FEZ2: variants seen among roughly 807,000 people sequenced by gnomAD.
The protein encoded by FEZ2 is fasciculation and elongation protein zeta-2.
FEZ2 carries 51 observed loss-of-function variants against 40.4 expected under a neutral mutation model. That is an observed-to-expected ratio of 1.26 (90% CI 1.01 to 1.59). FEZ2 has a LOEUF of 1.59. FEZ2 is among the 40% of genes most tolerant of loss of function. FEZ2 has a pLI of 0.00. For missense variants in FEZ2, 640 were observed against 438.3 expected (o/e 1.46, Z -4.11); for synonymous variants, 242 against 172.0 (o/e 1.41, Z -3.18).
chr2:36,587,186 C>T (rs1212696727), intron 2 of FEZ2, among the ~76,000 whole-genome samples: 2 of 152,174 alleles, frequency 1.3e-5, no homozygotes, highest in East Asian at 1.9e-4. Flanking sequence ...TGAGTAATAA[C>T]AGTAAACTAT....
chr2:36,583,070 A>C (rs866697745), intron 3 of FEZ2, among the ~76,000 whole-genome samples: 12 of 152,192 alleles, frequency 7.9e-5, no homozygotes, highest in Admixed American at 2.0e-4. Flanking sequence ...GGAAATTCAC[A>C]ATATTTTTCT....
At chr2:36,555,790 T>C in intron 6 of FEZ2, 42 bp from the exon 7 acceptor site, 2 of 1,150,794 alleles carry the variant, frequency 1.7e-6, no homozygotes, top group Non-Finnish European at 2.5e-6. Flanking sequence ...AATTAAAAAT[T>C]TAGATCAAAA....
In FEZ2 at chr2:36,552,482, GAC is replaced by G; in HGVS notation, c.*679_*680del. On this transcript the variant is annotated 3_prime_UTR_variant, in exon 8 of 8. Coordinates refer to ENST00000405912, the MANE Select transcript of FEZ2 (RefSeq NM_005102.3). Reference sequence around the variant, plus strand: ...CACACTTAAAGTACAATTCTTCACAGACACATGAAGCAGAACATTTGAAAATC... The same window carrying G: ...CACACTTAAAGTACAATTCTTCACAGACATGAAGCAGAACATTTGAAAATC... 3.8e-6 allele frequency: 1 copy of G among 262,134 alleles called. No individual in the cohort carries two copies. Among genetic ancestry groups the G allele is most frequent in the Admixed American group, 5.0e-5 (1 of 20,154 alleles). 16.2% of individuals were successfully genotyped at this position (262,134 alleles called of 1,614,324 possible).
chr2:36,590,403 T>A (rs1271388718), intron 2 of FEZ2: 1 of 152,886 alleles, frequency 6.5e-6, no homozygotes, highest in Admixed American at 6.5e-5. Flanking sequence ...CACTGCCAGG[T>A]GCAGTGGCTC....
rs748827473 is a variant in FEZ2, at chr2:36,598,055, G to A, written c.88C>T (p.Pro30Ser). The A allele has an allele frequency of 4.0e-5, 60 of 1,500,606 alleles. No homozygotes were observed. In the South Asian group the frequency reaches 7.2e-4, roughly 18 times the overall value. The allele number at this position is 1,500,606 out of a possible 1,614,324, so 93.0% of individuals were successfully genotyped here. A position where few individuals can be genotyped will look rare whatever the true frequency, so the allele number is the denominator to read the frequency against. The change falls in exon 1 of 8, where the codon CCC (proline) becomes TCC (serine). Residue 30 changes from proline (P) to serine (S), a missense_variant. Coordinates refer to ENST00000405912, the MANE Select transcript of FEZ2 (RefSeq NM_005102.3). ...GCCCCCGCCTCCGCCCCAGGCTCGG[G>A]GCTCGCGTTACAGTTCTCCTGGTCC... ...LLDQENCNAS[P>S]EPGAEAGAEA...
chr2:36,558,653 G>T, intron 5 of FEZ2, 140 bp from the exon 6 acceptor site: 1 of 454,250 alleles, frequency 2.2e-6, no homozygotes. Flanking sequence ...TATTGTATGG[G>T]AATAAAGTTA....
At chr2:36,564,560 A>G (rs1003891249) in intron 5 of FEZ2, among the ~76,000 whole-genome samples, 7 of 152,168 alleles carry the variant, frequency 4.6e-5, no homozygotes, top group Non-Finnish European at 1.0e-4. Context: ...TGCTGCAGAT[A>G]ACTAACACAT....
At chr2:36,575,691 T>C (rs1668549871) in intron 5 of FEZ2, among the ~76,000 whole-genome samples, 1 of 152,250 alleles carries the variant, frequency 6.6e-6, no homozygotes. Flanking sequence ...TCCAATGCTC[T>C]AAATAGCATC....
chr2:36,581,584 A>T, intron 3 of FEZ2, 153 bp from the exon 4 acceptor site: 1 of 642,488 alleles, frequency 1.6e-6, no homozygotes. Context: ...AATAATCAAA[A>T]TTTTTACTGT....
At chr2:36,581,769 T>C (rs1439668964) in intron 3 of FEZ2, among the ~76,000 whole-genome samples, 1 of 152,190 alleles carries the variant, frequency 6.6e-6, no homozygotes, top group Non-Finnish European at 1.5e-5. Context: ...AGCTAGATCA[T>C]ACAGTAATCG....
Position 36,593,615 on chromosome 2 carries a change from T to C in FEZ2, c.267-2604A>G. Among the ~76,000 whole-genome samples, 2 of 152,048 alleles carry C rather than the reference T, an allele frequency of 1.3e-5. 1 individual carries two copies. Among genetic ancestry groups the C allele is most frequent in the East Asian group, 4.0e-4 (2 of 5,040 alleles). ...TTTCAGCCACAGCTGGAGCAGCTGG[T>C]ACACAGGGCACCAAGTCCCTAGGCC... is the stretch of plus-strand genomic sequence containing the variant. On this transcript the variant is annotated intron_variant, in intron 1 of 7. Coordinates refer to ENST00000405912, the MANE Select transcript of FEZ2 (RefSeq NM_005102.3).
chr2:36,587,263 T>C (rs944969517), intron 2 of FEZ2, among the ~76,000 whole-genome samples: 1 of 152,198 alleles, frequency 6.6e-6, no homozygotes, highest in Non-Finnish European at 1.5e-5. Context: ...GCCAAGTCCA[T>C]TCCCCACAGA....
chr2:36,571,416 T>G (rs1668406356), intron 5 of FEZ2, among the ~76,000 whole-genome samples: 2 of 152,110 alleles, frequency 1.3e-5, no homozygotes, highest in Admixed American at 1.3e-4. Flanking sequence ...ATCCCAGCAC[T>G]TTGGGAGGCC....
chr2:36,590,970 G>A lies in FEZ2; in HGVS notation c.308C>T (p.Pro103Leu). ...ALTDNYGNVM[P>L]VDWKSSHTRT... is the part of the protein sequence containing the mutation. ...AGTATGCGATGACTTCCAGTCTACA[G>A]GCATCACATTCCCATAATTATCTGT... Residue 103 changes from proline (P) to leucine (L), a missense_variant, in exon 2 of 8, where the codon CCT becomes CTT. Physicochemically the swap from Pro to Leu is moderately conservative, Grantham distance 98. Transcript: ENST00000405912. 1 of 1,612,544 alleles carries A rather than the reference G, an allele frequency of 6.2e-7. No homozygotes were observed.
At chr2:36,568,820 A>G (rs1024383059) in intron 5 of FEZ2, among the ~76,000 whole-genome samples, 3 of 152,220 alleles carry the variant, frequency 2.0e-5, no homozygotes, top group Admixed American at 1.3e-4. Flanking sequence ...CTTCCCTGGC[A>G]TAAGTATGTA....
intron 5 of FEZ2, among the ~76,000 whole-genome samples, chr2:36,569,085 G>C (rs974262307): frequency 2.0e-5 from 3 of 152,098 alleles, no homozygotes; most frequent in African/African-American, 4.8e-5. Flanking sequence ...TGTGAGCTAA[G>C]GTCCCTGTTA....
intron 2 of FEZ2, 75 bp downstream of exon 2, chr2:36,590,828 A>T: frequency 1.1e-6 from 1 of 889,276 alleles, no homozygotes; most frequent in Non-Finnish European, 1.9e-6. Flanking sequence ...ATCTGTGTTA[A>T]GCAGAAATGC....
At chr2:36,585,177 A>G (rs576588432) in intron 2 of FEZ2, among the ~76,000 whole-genome samples, 5 of 152,348 alleles carry the variant, frequency 3.3e-5, no homozygotes, top group African/African-American at 9.6e-5. Flanking sequence ...AATAGATGCT[A>G]GAAAATAATC....
chr2:36,584,966 C>T (rs535276686), intron 2 of FEZ2, among the ~76,000 whole-genome samples: 1 of 152,140 alleles, frequency 6.6e-6, no homozygotes, highest in East Asian at 1.9e-4. Context: ...CAGGCTCCTG[C>T]GCAGTGACGA....
Sources: gnomAD v4.1 joint callset for allele counts (sites outside exome capture counted in the v4.1 genomes callset) on GRCh38, gnomAD v4.1.1 for gene constraint, MANE v1.5 for transcripts, NCBI Gene and HGNC (gene_info 2026-07-23, HGNC 2026-07-21) for gene names.